The following EMSY variants were observed in gnomAD, a reference collection of about 807,000 sequenced individuals.
The protein encoded by EMSY is EMSY transcriptional repressor, BRCA2 interacting.
A neutral mutation model predicts 134.6 loss-of-function variants in EMSY; 26 were observed. That is an observed-to-expected ratio of 0.19 (90% CI 0.14 to 0.27). The LOEUF (loss-of-function observed/expected upper bound fraction) is 0.27. EMSY is among the 10% of genes least tolerant of loss of function. EMSY has a pLI of 1.00. For missense variants in EMSY, 1,305 were observed against 1,611.4 expected (o/e 0.81, Z 3.26); for synonymous variants, 579 against 577.8 (o/e 1.00, Z -0.03).
intron 2 of EMSY, among the ~76,000 whole-genome samples, chr11:76,449,417 T>C (rs1565266596): frequency 6.6e-6 from 1 of 152,244 alleles, no homozygotes; most frequent in Non-Finnish European, 1.5e-5. Flanking sequence ...CATGACTTCT[T>C]AGACTTGAAA....
chr11:76,457,227 C>T (rs558129910), intron 4 of EMSY, among the ~76,000 whole-genome samples: 17 of 152,282 alleles, frequency 1.1e-4, no homozygotes, highest in African/African-American at 3.8e-4. Context: ...GGTGGACATA[C>T]AGAGTCTTAA....
exon 4 of EMSY, chr11:76,453,317 C>A: frequency 6.2e-7 from 1 of 1,612,402 alleles, no homozygotes; most frequent in African/African-American, 1.3e-5. Context: ...TTCATAGCAT[C>A]TCAACAGAAC....
intron 8 of EMSY, among the ~76,000 whole-genome samples, chr11:76,480,910 C>A (rs920764054): frequency 2.0e-5 from 3 of 152,232 alleles, no homozygotes; most frequent in African/African-American, 7.2e-5. Flanking sequence ...TTCCCATGGT[C>A]TTTGCAACCC....
chr11:76,502,405 C>T (rs1172926306), intron 9 of EMSY, among the ~76,000 whole-genome samples: 6 of 107,626 alleles, frequency 5.6e-5, no homozygotes. Flanking sequence ...CAGATTGAAA[C>T]AGAAGAAACT....
intron 8 of EMSY, among the ~76,000 whole-genome samples, chr11:76,494,185 G>A (rs972109729): frequency 2.6e-5 from 4 of 152,224 alleles, no homozygotes; most frequent in Non-Finnish European, 5.9e-5. Flanking sequence ...TGTGGGATCC[G>A]GGCCGGTAGC....
intron 8 of EMSY, among the ~76,000 whole-genome samples, chr11:76,493,117 C>T (rs1949491949): frequency 1.3e-5 from 2 of 152,164 alleles, no homozygotes; most frequent in Admixed American, 1.3e-4. Context: ...TGGCCTCTCC[C>T]CGCTCCTGCT....
Position 76,537,951 on chromosome 11 carries a change from G to T in EMSY, c.2515+1G>T. 1 of 1,605,270 alleles carries T rather than the reference G, an allele frequency of 6.2e-7. No individual in the cohort carries two copies. The highest frequency in any genetic ancestry group is 8.5e-7 in the Non-Finnish European group (1 of 1,176,096). On this transcript the variant is annotated splice_donor_variant, in intron 16 of 20. Coordinates refer to ENST00000334736, the Ensembl canonical transcript of EMSY. LOFTEE classifies it high-confidence loss of function. ...CTAGTAGCTGAATACATCACTACTG[G>T]TAGGTGTCCTCTTAAAATGTAGTAT... is the stretch of plus-strand genomic sequence containing the variant.
exon 20 of EMSY, chr11:76,546,261 G>A (rs1460658435): frequency 2.5e-6 from 4 of 1,613,448 alleles, no homozygotes; most frequent in Non-Finnish European, 3.4e-6. Flanking sequence ...TAGGCCAAAA[G>A]AAAGCTGAAG....
At chr11:76,545,798 T>A (rs1427726360) in exon 20 of EMSY, 1 of 1,596,802 alleles carries the variant, frequency 6.3e-7, no homozygotes, top group Admixed American at 1.7e-5. Flanking sequence ...TATTTTCAGG[T>A]GGAGCAGCCA....
At chr11:76,503,300 C>CAAAAAAAAAAA (rs61098325) in intron 9 of EMSY, among the ~76,000 whole-genome samples, 18 of 70,712 alleles carry the variant, frequency 2.5e-4, no homozygotes, top group East Asian at 4.4e-4. Flanking sequence ...GGCGTGGTCT[C>CAAAAAAAAAAA]AAAAAAAAAA....
At chr11:76,502,044 GAA>G (rs57263473) in intron 9 of EMSY, among the ~76,000 whole-genome samples, 199 of 93,070 alleles carry the variant, frequency 2.1e-3, no homozygotes, top group South Asian at 4.1e-3. Flanking sequence ...CATTTGAAAT[GAA>G]AAAAAAAAAA....
At chr11:76,454,668 C>T (rs1400115055) in intron 4 of EMSY, 81 bp from the exon 5 acceptor site, 1 of 891,228 alleles carries the variant, frequency 1.1e-6, no homozygotes, top group Admixed American at 3.0e-5. Context: ...TGTGGGGCAA[C>T]TAGTTGTAAG....
chr11:76,465,679 A>T (rs1380670230), intron 7 of EMSY, among the ~76,000 whole-genome samples: 1 of 148,130 alleles, frequency 6.8e-6, no homozygotes, highest in Non-Finnish European at 1.5e-5. Flanking sequence ...ACAATTTTTT[A>T]AATGTTTTCT....
rs1429107260 is a variant in EMSY, at chr11:76,483,816, C to G, written c.1108+10976C>G. Among the ~76,000 whole-genome samples, 4 of 152,240 alleles carry G rather than the reference C, an allele frequency of 2.6e-5. No homozygotes were observed. The East Asian group carries it at 5.8e-4, about 22-fold the overall frequency. On this transcript the variant is annotated intron_variant, in intron 8 of 20. Coordinates refer to ENST00000334736, the Ensembl canonical transcript of EMSY. ...ATAATAGTGGGAGACTTTAACACCC[C>G]ACTGTCAATATTAGAAAGATCAACG... is the stretch of plus-strand genomic sequence containing the variant.
At chr11:76,489,477 C>T (rs1386197177) in intron 8 of EMSY, among the ~76,000 whole-genome samples, 1 of 152,082 alleles carries the variant, frequency 6.6e-6, no homozygotes, top group Non-Finnish European at 1.5e-5. Flanking sequence ...GATTAACCCC[C>T]TTTTCATTAT....
intron 9 of EMSY, among the ~76,000 whole-genome samples, chr11:76,499,326 C>T (rs1046572204): frequency 5.9e-5 from 7 of 118,734 alleles, no homozygotes; most frequent in Admixed American, 1.2e-4. Context: ...CTTGCTGTGT[C>T]GCCCAGGCTG....
chr11:76,461,805 G>A (rs1003244158), intron 6 of EMSY, among the ~76,000 whole-genome samples: 18 of 152,126 alleles, frequency 1.2e-4, no homozygotes, highest in Non-Finnish European at 2.2e-4. Flanking sequence ...GGTGGCGGGC[G>A]CCTGTAATCC....
intron 10 of EMSY, among the ~76,000 whole-genome samples, chr11:76,514,809 C>CT (rs1472056549): frequency 6.6e-6 from 1 of 152,142 alleles, no homozygotes; most frequent in African/African-American, 2.4e-5. Context: ...TATGCAAAGC[C>CT]TGTGCTTTTA....
intron 8 of EMSY, among the ~76,000 whole-genome samples, chr11:76,473,569 G>A (rs74593956): frequency 0.01 from 1,544 of 151,976 alleles, 26 homozygotes; most frequent in East Asian, 0.058. Context: ...TCAGCTTCCC[G>A]AAGTGCTGGT....
Sources: gnomAD v4.1 joint callset for allele counts (sites outside exome capture counted in the v4.1 genomes callset) on GRCh38, gnomAD v4.1.1 for gene constraint, MANE v1.5 for transcripts, NCBI Gene and HGNC (gene_info 2026-07-23, HGNC 2026-07-21) for gene names.